Variants in LRP1 observed in about 807,000 individuals in gnomAD.
LRP1 encodes the protein LDL receptor related protein 1, also known as prolow-density lipoprotein receptor-related protein 1.
In LRP1, 51 loss-of-function variants were observed where a neutral mutation model predicts 541.5. The observed-to-expected ratio is 0.09, with a 90% CI of 0.08 to 0.12. LRP1 has a LOEUF of 0.12. Among genes scored for constraint, LRP1 ranks in the 10% least tolerant of loss-of-function variants. The pLI, the probability that LRP1 is intolerant of heterozygous loss-of-function variation, is 1.00. For synonymous variants in LRP1, 2,219 were observed against 2,470.8 expected, an observed-to-expected ratio of 0.90 and a Z score of 3.02; for missense variants, 3,878 against 6,376.2, an observed-to-expected ratio of 0.61 and a Z score of 13.34.
In LRP1 at chr12:57,197,221, G is replaced by A; in HGVS notation, c.9076+56G>A. On this transcript the variant is annotated intron_variant, in intron 56 of 88. Transcript: ENST00000243077. This position sits in a 1 kb window ranked among gnomAD's most constrained non-coding sequence, Gnocchi z 4.5. ...ACCCAGGCTGTGTGGGACTGCCCGG[G>A]TGGCAGAGCTCCAGACAGGCAGGAG... The A allele has an allele frequency of 1.2e-6, 2 of 1,612,850 alleles. No homozygotes were observed. The highest frequency in any genetic ancestry group is 1.7e-6 in the Non-Finnish European group (2 of 1,178,904).
chr12:57,156,638 C>T lies in LRP1; in HGVS notation c.1418-139C>T. On this transcript the variant is annotated intron_variant, in intron 9 of 88. Coordinates refer to ENST00000243077, the MANE Select transcript of LRP1 (RefSeq NM_002332.3). This position sits in a 1 kb window ranked among gnomAD's most constrained non-coding sequence, Gnocchi z 5.2. ...GTTGGGGGGCAGAGGGTTTCCACCCCTGTGGCTTCCAAATCCTAAAATGGG... is the reference window on the plus strand; with the variant it reads ...GTTGGGGGGCAGAGGGTTTCCACCCTTGTGGCTTCCAAATCCTAAAATGGG... 1 of 994,754 alleles carries T rather than the reference C, an allele frequency of 1.0e-6. No individual in the cohort carries two copies. Among genetic ancestry groups the T allele is most frequent in the East Asian group, 2.7e-5 (1 of 37,628 alleles). 61.6% of individuals were successfully genotyped at this position (994,754 alleles called of 1,614,324 possible).
intron 18 of LRP1, 40 bp downstream of exon 18, chr12:57,167,086 G>A (rs2035855435): frequency 1.3e-6 from 2 of 1,552,608 alleles, no homozygotes; most frequent in Non-Finnish European, 1.8e-6. Context: ...TGGGCCTGGG[G>A]GAGGGGCATC....
chr12:57,206,390 C>A lies in LRP1; in HGVS notation c.11591-83C>A. 1 of 1,377,812 alleles carries A rather than the reference C, an allele frequency of 7.3e-7. No individual in the cohort carries two copies. 85.3% of individuals were successfully genotyped at this position (1,377,812 alleles called of 1,614,324 possible). Reference sequence around the variant, plus strand: ...CAGATGGTCCTACCAGGAGATGGGACAGTGTTCATGTGAAAGGAGCTGAGC... The same window carrying A: ...CAGATGGTCCTACCAGGAGATGGGAAAGTGTTCATGTGAAAGGAGCTGAGC... On this transcript the variant is annotated intron_variant, in intron 75 of 88. Transcript: ENST00000243077. The surrounding 1 kb of genome is among the most constrained non-coding windows in gnomAD (Gnocchi z 4.7).
At position 57,198,664 on chromosome 12, in the gene LRP1, C is replaced by T. The variant is rs2036585464; in HGVS notation, c.9670C>T (p.His3224Tyr). The change falls in exon 60 of 89, where the codon CAC becomes TAC. Residue 3224 changes from histidine (H) to tyrosine (Y), a missense_variant. Physicochemically the swap from His to Tyr is moderately conservative, Grantham distance 83 (BLOSUM62 2). Coordinates refer to ENST00000243077, the MANE Select transcript of LRP1 (RefSeq NM_002332.3). ...EFASLDGSNR[H>Y]VVLSQDIPHI... is the part of the protein sequence containing the mutation. ...TGCCAGCCTGGATGGCTCCAATCGC[C>T]ACGTTGGTCAGTGTGCCAGTGAGGC... 1.2e-6 allele frequency: 2 copies of T among 1,607,434 alleles called. No homozygotes were observed. Among genetic ancestry groups the T allele is most frequent in the Non-Finnish European group, 8.5e-7 (1 of 1,177,362 alleles).
At chr12:57,161,180 TGA>T (rs1477311071) in intron 13 of LRP1, 65 bp downstream of exon 13, 1 of 1,495,636 alleles carries the variant, frequency 6.7e-7, no homozygotes, top group African/African-American at 1.4e-5. Context: ...TGGGCGTGGA[TGA>T]GGTTCTGTGT....
chr12:57,207,947 G>C (rs770610009), intron 76 of LRP1, 91 bp from the exon 77 acceptor site: 47 of 1,419,504 alleles, frequency 3.3e-5, no homozygotes, highest in Non-Finnish European at 4.6e-5. Flanking sequence ...GTGAGCCTGG[G>C]GTGACGTTCC....
In LRP1 at chr12:57,156,667, G is replaced by A; in HGVS notation, c.1418-110G>A. On this transcript the variant is annotated intron_variant, in intron 9 of 88. Coordinates refer to ENST00000243077, the MANE Select transcript of LRP1 (RefSeq NM_002332.3). This position sits in a 1 kb window ranked among gnomAD's most constrained non-coding sequence, Gnocchi z 5.2. ...GGCTTCCAAATCCTAAAATGGGATA[G>A]CAAGCACAAAGACCACAGCAGCAGG... 1.6e-6 allele frequency: 2 copies of A among 1,270,376 alleles called. No individual in the cohort carries two copies. The highest frequency in any genetic ancestry group is 2.1e-6 in the Non-Finnish European group (2 of 937,946). 78.7% of individuals were successfully genotyped at this position (1,270,376 alleles called of 1,614,324 possible).
At chr12:57,139,894 A>T (rs766396210) in intron 2 of LRP1, among the ~76,000 whole-genome samples, 1 of 152,182 alleles carries the variant, frequency 6.6e-6, no homozygotes, top group Non-Finnish European at 1.5e-5. Context: ...ACACACAGAT[A>T]CACTCTCACT....
chr12:57,186,027 C>A, intron 41 of LRP1, 119 bp downstream of exon 41: 1 of 1,146,758 alleles, frequency 8.7e-7, no homozygotes, highest in Non-Finnish European at 1.2e-6. Context: ...TACAACTCAG[C>A]TGAATCCAAC....
chr12:57,186,260 TTCTCATCTGCG>T lies in LRP1; in HGVS notation c.6841+354_6841+364del, dbSNP rs1179623683. On this transcript the variant is annotated intron_variant, in intron 41 of 88. Coordinates refer to ENST00000243077, the MANE Select transcript of LRP1 (RefSeq NM_002332.3). ...TTCCTGCTCTTGCCAAGCCTGAGCC[TTCTCATCTGCG>T]TGGATGAGTGTCTCATCTGAGACAG... Among the ~76,000 whole-genome samples the T allele has an allele frequency of 2.0e-5, 3 of 152,214 alleles. No homozygotes were observed. The East Asian group carries it at 5.8e-4, about 29-fold the overall frequency.
Position 57,175,998 on chromosome 12 carries a change from G to A in LRP1, c.3883G>A (p.Gly1295Ser), listed in dbSNP as rs1008174096. Residue 1295 changes from glycine (G) to serine (S), a missense_variant, in exon 24 of 89, where the codon GGC (glycine) becomes AGC (serine). Gly to Ser is a moderately conservative substitution (Grantham distance 56, BLOSUM62 0). Coordinates refer to ENST00000243077, the MANE Select transcript of LRP1 (RefSeq NM_002332.3). ...HKGDYSVLVP[G>S]LRNTIALDFH... ...AGGAGACTACAGCGTCCTGGTGCCC[G>A]GCCTGCGCAACACCATCGCCCTGGA... 2.5e-6 allele frequency: 4 copies of A among 1,614,024 alleles called. No homozygotes were observed. The highest frequency in any genetic ancestry group is 8.5e-7 in the Non-Finnish European group (1 of 1,180,050).
intron 41 of LRP1, among the ~76,000 whole-genome samples, chr12:57,186,124 G>A (rs557396385): frequency 6.6e-6 from 1 of 152,186 alleles, no homozygotes; most frequent in South Asian, 2.1e-4. Flanking sequence ...TCTGCCTTCA[G>A]AGCTGCACAG....
intron 22 of LRP1, among the ~76,000 whole-genome samples, chr12:57,174,695 G>A (rs1264592567): frequency 6.6e-6 from 1 of 152,210 alleles, no homozygotes; most frequent in Non-Finnish European, 1.5e-5. Flanking sequence ...AACCTGGGAG[G>A]CGGAGGTTGC....
chr12:57,130,242 C>A (rs920669773), intron 1 of LRP1, among the ~76,000 whole-genome samples: 3 of 152,176 alleles, frequency 2.0e-5, no homozygotes, highest in African/African-American at 7.2e-5. Flanking sequence ...CATACACCCC[C>A]TCCTCTGTCT....
At chr12:57,181,880 T>C (rs756626244) in intron 34 of LRP1, among the ~76,000 whole-genome samples, 7 of 152,210 alleles carry the variant, frequency 4.6e-5, no homozygotes, top group Non-Finnish European at 8.8e-5. Flanking sequence ...ACCTGCTAAC[T>C]GATTTATGAG....
rs1277585948 is a variant in LRP1, at chr12:57,158,732, G to C, written c.1798+94G>C. The stretch of plus-strand genomic sequence containing the variant: ...TGCCCTCTCAGCAGGATGGTCCCCT[G>C]CTGACTGGCTGGCTGCACTGGTTGG... On this transcript the variant is annotated intron_variant, in intron 11 of 88. Coordinates refer to ENST00000243077, the MANE Select transcript of LRP1 (RefSeq NM_002332.3). The surrounding 1 kb of genome is among the most constrained non-coding windows in gnomAD (Gnocchi z 5.3). The C allele has an allele frequency of 8.9e-7, 1 of 1,127,866 alleles. No homozygotes were observed. The highest frequency in any genetic ancestry group is 1.6e-5 in the African/African-American group (1 of 64,338). 69.9% of individuals were successfully genotyped at this position (1,127,866 alleles called of 1,614,324 possible).
chr12:57,139,732 A>G (rs938706175), intron 2 of LRP1, among the ~76,000 whole-genome samples: 65 of 152,206 alleles, frequency 4.3e-4, no homozygotes, highest in African/African-American at 1.4e-3. Flanking sequence ...TCACAGTAAC[A>G]CAGAGTCACA....
In LRP1 at chr12:57,200,770, G is replaced by A. The variant is rs776972808; in HGVS notation, c.10180G>A (p.Asp3394Asn). Reference sequence around the variant, plus strand: ...CTGCACAAACCCTGCCTTCATCTGCGATGGCGACAATGACTGCCAGGACAA... The same window carrying A: ...CTGCACAAACCCTGCCTTCATCTGCAATGGCGACAATGACTGCCAGGACAA... Reference protein sequence around the residue: ...GICTNPAFICDGDNDCQDNSD... With the variant: ...GICTNPAFICNGDNDCQDNSD... The change falls in exon 64 of 89, where the codon GAT becomes AAT. Residue 3394 changes from aspartate (D) to asparagine (N), a missense_variant. Physicochemically the swap from Asp to Asn is conservative, Grantham distance 23 (BLOSUM62 1). Transcript: ENST00000243077. 4 of 1,613,956 alleles carry A rather than the reference G, an allele frequency of 2.5e-6. No individual in the cohort carries two copies. Among genetic ancestry groups the A allele is most frequent in the East Asian group, 2.2e-5 (1 of 44,894 alleles).
rs1031694531 is a variant in LRP1 at position 57,176,893 on chromosome 12, A to G, written c.3992-148A>G. ...AAAAAAAAAAAGTTGGGGAGACAAT[A>G]GGAGTCCTACTCTTGAATATGGGCA... On this transcript the variant is annotated intron_variant, in intron 24 of 88. Coordinates refer to ENST00000243077, the MANE Select transcript of LRP1 (RefSeq NM_002332.3). 29 of 640,694 alleles carry G rather than the reference A, an allele frequency of 4.5e-5. No individual in the cohort carries two copies. The South Asian group carries it at 5.1e-4, about 11-fold the overall frequency. 39.7% of individuals were successfully genotyped at this position (640,694 alleles called of 1,614,324 possible). A position where few individuals can be genotyped will look rare whatever the true frequency, so the allele number is the denominator to read the frequency against.
Sources: allele counts gnomAD v4.1 joint callset (sites outside exome capture counted in the v4.1 genomes callset), GRCh38; gene constraint gnomAD v4.1.1; non-coding constraint Gnocchi (gnomAD v3.1); transcripts MANE v1.5; gene names NCBI Gene and HGNC (gene_info 2026-07-23, HGNC 2026-07-21).